The following P4HA2 variants were observed in gnomAD, a reference collection of about 807,000 sequenced individuals.
P4HA2 encodes prolyl 4-hydroxylase subunit alpha-2.
In P4HA2, 46 loss-of-function variants were observed where a neutral mutation model predicts 76.9. That is an observed-to-expected ratio of 0.60 (90% CI 0.47 to 0.76). The LOEUF (loss-of-function observed/expected upper bound fraction) is 0.76, where lower values mean the gene tolerates loss of function less well. Ranked by LOEUF, P4HA2 falls within the 30% of genes least tolerant of loss-of-function variation. The pLI is 0.00. For missense variants in P4HA2, 583 were observed against 669.4 expected (o/e 0.87, Z 1.42); for synonymous variants, 243 against 254.0 (o/e 0.96, Z 0.41).
At chr5:132,211,131 T>C (rs1021803411) in intron 5 of P4HA2, among the ~76,000 whole-genome samples, 15 of 152,280 alleles carry the variant, frequency 9.9e-5, no homozygotes, top group Middle Eastern at 3.4e-3. Flanking sequence ...AGAGCCAAGG[T>C]TGCAGTGCCA....
rs374983174 is a variant in P4HA2, at chr5:132,217,813, G to A, written c.118C>T (p.Leu40=). ...MTDLIYAEKE[L]VQSLKEYILV... is the part of the protein sequence containing the mutation. ...ATGTACTCTTTCAGAGACTGCACCA[G>A]CTCTTTCTCTGCATAAATCAGGTCA... The change falls in exon 3 of 15, where the codon CTG becomes TTG. Residue 40 remains leucine, a synonymous_variant. Coordinates refer to ENST00000360568, the MANE Select transcript of P4HA2 (RefSeq NM_001017974.2). The A allele has an allele frequency of 1.4e-5, 23 of 1,612,722 alleles. No homozygotes were observed. The highest frequency in any genetic ancestry group is 2.0e-5 in the Non-Finnish European group (23 of 1,178,902).
intron 2 of P4HA2, among the ~76,000 whole-genome samples, chr5:132,218,139 G>A (rs770637568): frequency 1.3e-5 from 2 of 152,168 alleles, no homozygotes; most frequent in Non-Finnish European, 2.9e-5. Context: ...TACATAGCTG[G>A]TCATGACACT....
chr5:132,225,327 G>C (rs1437081614), intron 1 of P4HA2, among the ~76,000 whole-genome samples: 1 of 152,182 alleles, frequency 6.6e-6, no homozygotes, highest in Admixed American at 6.5e-5. Flanking sequence ...CCAGGAGCCA[G>C]GGACACACCT....
chr5:132,218,027 C>T (rs1227491510), intron 2 of P4HA2, 179 bp from the exon 3 acceptor site: 15 of 514,670 alleles, frequency 2.9e-5, no homozygotes, highest in African/African-American at 7.7e-5. Flanking sequence ...GGCTCTATCT[C>T]GCAACTTCAG....
chr5:132,221,299 C>G (rs1754622387), intron 1 of P4HA2, among the ~76,000 whole-genome samples: 1 of 152,180 alleles, frequency 6.6e-6, no homozygotes, highest in Non-Finnish European at 1.5e-5. Context: ...TTATGAAAAA[C>G]AAAGTGACAT....
At chr5:132,204,264 C>T in intron 8 of P4HA2, 112 bp from the exon 9 acceptor site, 1 of 865,186 alleles carries the variant, frequency 1.2e-6, no homozygotes, top group Admixed American at 1.9e-5. Context: ...GTGGAGGAAG[C>T]TTTGCAGCCA....
At chr5:132,207,165 G>T (rs1310198617) in intron 8 of P4HA2, among the ~76,000 whole-genome samples, 1 of 152,074 alleles carries the variant, frequency 6.6e-6, no homozygotes, top group African/African-American at 2.4e-5. Flanking sequence ...TAATAATGAA[G>T]AAATAAAGTA....
intron 4 of P4HA2, 114 bp downstream of exon 4, chr5:132,217,083 C>G: frequency 1.0e-6 from 1 of 970,814 alleles, no homozygotes; most frequent in Non-Finnish European, 1.5e-6. Flanking sequence ...GGTCCTGTTT[C>G]CACAATGTAC....
intron 14 of P4HA2, among the ~76,000 whole-genome samples, chr5:132,193,820 T>C (rs1750193929): frequency 6.6e-6 from 1 of 152,186 alleles, no homozygotes; most frequent in Non-Finnish European, 1.5e-5. Flanking sequence ...TCTCTCATAA[T>C]GAATAAAAAT....
intron 14 of P4HA2, among the ~76,000 whole-genome samples, chr5:132,194,377 T>A (rs1750287900): frequency 6.6e-6 from 1 of 152,202 alleles, no homozygotes. Context: ...ACACTTCCTG[T>A]CATATCCTGG....
At chr5:132,219,589 A>G (rs1754371340) in intron 1 of P4HA2, among the ~76,000 whole-genome samples, 1 of 152,158 alleles carries the variant, frequency 6.6e-6, no homozygotes, top group South Asian at 2.1e-4. Flanking sequence ...CTGGAGGATT[A>G]GCACCCATCT....
intron 1 of P4HA2, among the ~76,000 whole-genome samples, chr5:132,221,791 C>A (rs1754680160): frequency 6.6e-6 from 1 of 152,236 alleles, no homozygotes; most frequent in Non-Finnish European, 1.5e-5. Context: ...CTCAAACAGA[C>A]TCCAAACGGG....
At chr5:132,209,632 A>G (rs1182633962) in intron 6 of P4HA2, among the ~76,000 whole-genome samples, 1 of 152,066 alleles carries the variant, frequency 6.6e-6, no homozygotes, top group African/African-American at 2.4e-5. Flanking sequence ...AAGAAAATAC[A>G]ACATGGGGCA....
chr5:132,226,369 T>C (rs1306992544), intron 1 of P4HA2, among the ~76,000 whole-genome samples: 2 of 152,084 alleles, frequency 1.3e-5, no homozygotes, highest in East Asian at 3.9e-4. Context: ...AGGCCCCAGG[T>C]AGTCTATTAT....
chr5:132,201,549 G>C (rs1360479140), intron 10 of P4HA2: 1 of 152,188 alleles, frequency 6.6e-6, no homozygotes, highest in East Asian at 1.9e-4. Flanking sequence ...AAGGATCAAA[G>C]CCTTCAATAC....
intron 11 of P4HA2, 55 bp downstream of exon 11, chr5:132,198,824 T>C: frequency 3.2e-6 from 4 of 1,262,754 alleles, no homozygotes; most frequent in Non-Finnish European, 4.7e-6. Flanking sequence ...AGCTCCACCC[T>C]TCTCAAATCA....
chr5:132,203,993 GA>G, intron 9 of P4HA2, 88 bp downstream of exon 9: 1 of 1,254,486 alleles, frequency 8.0e-7, no homozygotes, highest in Non-Finnish European at 1.2e-6. Flanking sequence ...CAGCAGGCAG[GA>G]AAAGGCAAGC....
At chr5:132,207,615 C>T (rs1752370927) in intron 8 of P4HA2, 93 bp downstream of exon 8, 1 of 1,041,284 alleles carries the variant, frequency 9.6e-7, no homozygotes, top group East Asian at 2.4e-5. Flanking sequence ...TAAAGGGTGG[C>T]TAGATGGGCA....
rs545210302 is a variant in P4HA2, at chr5:132,191,557, G to C, written c.*1453C>G. 6.6e-6 allele frequency among the ~76,000 whole-genome samples: 1 copy of C among 151,798 alleles called. No individual in the cohort carries two copies. Among genetic ancestry groups the C allele is most frequent in the Non-Finnish European group, 1.5e-5 (1 of 67,968 alleles). On this transcript the variant is annotated 3_prime_UTR_variant, in exon 15 of 15. Coordinates refer to ENST00000360568, the MANE Select transcript of P4HA2 (RefSeq NM_001017974.2). ...AGATTTCAACATATGAATCTGGTGGGGGGACACAAACATTTAGTCCGTAAC... is the reference window on the plus strand; with the variant it reads ...AGATTTCAACATATGAATCTGGTGGCGGGACACAAACATTTAGTCCGTAAC...
Sources: gnomAD v4.1 joint callset for allele counts (sites outside exome capture counted in the v4.1 genomes callset) on GRCh38, gnomAD v4.1.1 for gene constraint, MANE v1.5 for transcripts, NCBI Gene and HGNC (gene_info 2026-07-23, HGNC 2026-07-21) for gene names.